The following ERBB4 variants were observed in gnomAD, a reference collection of about 807,000 sequenced individuals.
ERBB4 encodes the protein erb-b2 receptor tyrosine kinase 4, also known as receptor tyrosine-protein kinase erbB-4.
Under a neutral mutation model 158.0 loss-of-function variants are expected in ERBB4, and 42 were observed. The ratio of observed to expected loss-of-function variants is 0.27; its 90% CI spans 0.21 to 0.34. The LOEUF (loss-of-function observed/expected upper bound fraction) is 0.34, where lower values mean the gene tolerates loss of function less well. Among genes scored for constraint, ERBB4 ranks in the 10% least tolerant of loss-of-function variants. The probability of loss-of-function intolerance (pLI) is 1.00; values close to 1 mark genes in which losing one functional copy is unlikely to be tolerated. For missense variants in ERBB4, 1,333 were observed against 1,624.1 expected (o/e 0.82, Z 3.08); for synonymous variants, 583 against 558.7 (o/e 1.04, Z -0.61).
chr2:212,418,775 C>T (rs910675642), intron 1 of ERBB4, among the ~76,000 whole-genome samples: 11 of 151,714 alleles, frequency 7.3e-5, no homozygotes, highest in African/African-American at 2.2e-4. Context: ...AAATGATTTA[C>T]CACAAAATCT....
rs115256551 is a variant in ERBB4 at position 211,964,104 on chromosome 2, T to C, written c.235-16488A>G. Among the ~76,000 whole-genome samples the C allele has an allele frequency of 7.5e-3, 1,146 of 152,264 alleles. 14 individuals are homozygous for C. Among genetic ancestry groups the C allele is most frequent in the African/African-American group, 0.025 (1,056 of 41,554 alleles). ...CTGAGTCAACTTCATCACCTTTCTC[T>C]TGGGAAGGGATTTATCAATCATACT... On this transcript the variant is annotated intron_variant, in intron 2 of 27. Transcript: ENST00000342788.
At chr2:212,210,133 T>C (rs929899163) in intron 1 of ERBB4, among the ~76,000 whole-genome samples, 3 of 150,128 alleles carry the variant, frequency 2.0e-5, no homozygotes, top group Non-Finnish European at 4.4e-5. Context: ...TGCATAGATA[T>C]GCATAAAGTG....
At chr2:211,953,372 T>G (rs1398270557) in intron 2 of ERBB4, among the ~76,000 whole-genome samples, 2 of 150,814 alleles carry the variant, frequency 1.3e-5, no homozygotes, top group Non-Finnish European at 2.9e-5. Flanking sequence ...ACCCCAGAAC[T>G]TAAAGTATAA....
intron 20 of ERBB4, among the ~76,000 whole-genome samples, chr2:211,442,782 T>A (rs1413243223): frequency 1.3e-5 from 2 of 152,040 alleles, no homozygotes. Flanking sequence ...ACTTGATTAA[T>A]TTGTCAAACT....
At position 211,767,831 on chromosome 2, in the gene ERBB4, C is replaced by G. The variant is rs561097832; in HGVS notation, c.557-17127G>C. 3.3e-5 allele frequency among the ~76,000 whole-genome samples: 5 copies of G among 152,268 alleles called. No homozygotes were observed. The East Asian group carries it at 9.7e-4, about 29-fold the overall frequency. On this transcript the variant is annotated intron_variant, in intron 4 of 27. Coordinates refer to ENST00000342788, the MANE Select transcript of ERBB4 (RefSeq NM_005235.3). ...TCAAGACGAGATTTGGGTGAGGACA[C>G]AGCCAAACCATATCATTCTGCCCCT...
chr2:211,556,509 A>C (rs557948583), intron 20 of ERBB4, among the ~76,000 whole-genome samples: 20 of 152,258 alleles, frequency 1.3e-4, no homozygotes, highest in Non-Finnish European at 2.1e-4. Flanking sequence ...AAGAAAAATA[A>C]AATTATTTTT....
At position 212,232,688 on chromosome 2, in the gene ERBB4, G is replaced by A. The variant is rs926824983; in HGVS notation, c.83-107785C>T. 3.9e-5 allele frequency among the ~76,000 whole-genome samples: 6 copies of A among 152,264 alleles called. No individual in the cohort carries two copies. The East Asian group carries it at 5.8e-4, about 15-fold the overall frequency. On this transcript the variant is annotated intron_variant, in intron 1 of 27. Transcript: ENST00000342788. ...TTCCCAAAGTGCTGGGATTACAGGC[G>A]TGAGCCACCACACCCGGCCGGGAGT...
chr2:211,626,796 G>A (rs1477883566), intron 17 of ERBB4, among the ~76,000 whole-genome samples: 3 of 151,838 alleles, frequency 2.0e-5, no homozygotes, highest in Non-Finnish European at 2.9e-5. Flanking sequence ...GTGTTGGCGG[G>A]CGCCTGTAGT....
chr2:211,719,847 T>C (rs1056324479), intron 7 of ERBB4, among the ~76,000 whole-genome samples: 1 of 149,874 alleles, frequency 6.7e-6, no homozygotes, highest in African/African-American at 2.5e-5. Context: ...AGAGCGAGAT[T>C]CTGTCTCAAA....
intron 1 of ERBB4, among the ~76,000 whole-genome samples, chr2:212,232,067 T>C (rs1315489918): frequency 1.3e-5 from 2 of 152,148 alleles, no homozygotes; most frequent in African/African-American, 2.4e-5. Context: ...GTGAAGAAAT[T>C]AATTAAACTC....
chr2:211,629,108 C>T (rs2069989538), intron 17 of ERBB4, among the ~76,000 whole-genome samples: 3 of 151,960 alleles, frequency 2.0e-5, no homozygotes, highest in Admixed American at 2.0e-4. Flanking sequence ...AAATTTTGTC[C>T]CTGTTTTTAG....
At chr2:211,728,330 G>T (rs2074331269) in intron 5 of ERBB4, among the ~76,000 whole-genome samples, 1 of 150,688 alleles carries the variant, frequency 6.6e-6, no homozygotes, top group Non-Finnish European at 1.5e-5. Flanking sequence ...ATTTATATTT[G>T]ATACACACAT....
At chr2:211,631,010 T>C (rs764528946) in intron 16 of ERBB4, among the ~76,000 whole-genome samples, 3 of 152,182 alleles carry the variant, frequency 2.0e-5, no homozygotes, top group African/African-American at 4.8e-5. Flanking sequence ...TCCAGTAATT[T>C]CTCTGAAGCA....
chr2:212,139,580 T>C (rs890313831), intron 1 of ERBB4, among the ~76,000 whole-genome samples: 2 of 151,956 alleles, frequency 1.3e-5, no homozygotes, highest in Non-Finnish European at 2.9e-5. Context: ...ATATGACTAG[T>C]AACAAGAAAA....
chr2:212,471,326 CTT>C (rs2106117693), intron 1 of ERBB4, among the ~76,000 whole-genome samples: 1 of 152,102 alleles, frequency 6.6e-6, no homozygotes, highest in Non-Finnish European at 1.5e-5. Flanking sequence ...GAAAGAGACT[CTT>C]TGCAGAGTCT....
intron 18 of ERBB4, among the ~76,000 whole-genome samples, chr2:211,621,175 C>T (rs2069587018): frequency 6.6e-6 from 1 of 151,554 alleles, no homozygotes; most frequent in African/African-American, 2.4e-5. Flanking sequence ...GTATTTTATA[C>T]TTCTTTTTAA....
chr2:211,999,466 C>T (rs1172549934), intron 2 of ERBB4, among the ~76,000 whole-genome samples: 1 of 151,822 alleles, frequency 6.6e-6, no homozygotes, highest in Non-Finnish European at 1.5e-5. Context: ...AATCTTAAAA[C>T]ATTCTGAATA....
At chr2:212,382,249 T>C (rs1245375701) in intron 1 of ERBB4, among the ~76,000 whole-genome samples, 1 of 149,752 alleles carries the variant, frequency 6.7e-6, no homozygotes, top group Non-Finnish European at 1.5e-5. Context: ...ACATTATATA[T>C]TTACTATATA....
chr2:212,523,352 C>T (rs1427699476), intron 1 of ERBB4, among the ~76,000 whole-genome samples: 1 of 151,946 alleles, frequency 6.6e-6, no homozygotes, highest in Non-Finnish European at 1.5e-5. Flanking sequence ...ATATATTTCT[C>T]CTTCCAGTTT....
Sources: gnomAD v4.1 joint callset for allele counts (sites outside exome capture counted in the v4.1 genomes callset) on GRCh38, gnomAD v4.1.1 for gene constraint, MANE v1.5 for transcripts, NCBI Gene and HGNC (gene_info 2026-07-23, HGNC 2026-07-21) for gene names.